CFAP54: variants seen among roughly 807,000 people sequenced by gnomAD.
The protein encoded by CFAP54 is cilia- and flagella-associated protein 54.
CFAP54 carries 290 observed loss-of-function variants against 370.4 expected under a neutral mutation model. That is an observed-to-expected ratio of 0.78 (90% CI 0.71 to 0.86). CFAP54 has a LOEUF of 0.86. Ranked by LOEUF, CFAP54 falls within the 40% of genes least tolerant of loss-of-function variation. The pLI is 0.00. For missense variants in CFAP54, 3,399 were observed against 3,528.7 expected (o/e 0.96, Z 0.93); for synonymous variants, 1,206 against 1,236.5 (o/e 0.98, Z 0.52).
rs1423580555 is a variant in CFAP54 at position 96,540,874 on chromosome 12, A to G, written c.1964A>G (p.His655Arg). ...YLLWQINEVIHCYKMEDIDIV... is the reference protein window; with the variant it reads ...YLLWQINEVIRCYKMEDIDIV... ...CTGTGGCAGATAAATGAAGTAATTC[A>G]CTGCTATAAAATGGAAGACATTGAC... The change falls in exon 14 of 68, where the codon CAC (histidine) becomes CGC (arginine). Residue 655 changes from histidine (H) to arginine (R), a missense_variant. Physicochemically the swap from His to Arg is conservative, Grantham distance 29. This residue lies in a region of CFAP54 where 2,796 missense variants were observed against 2,869.7 expected (regional missense o/e 0.97). Transcript: ENST00000524981. 3 of 1,488,448 alleles carry G rather than the reference A, an allele frequency of 2.0e-6. No homozygotes were observed. Among genetic ancestry groups the G allele is most frequent in the Non-Finnish European group, 1.8e-6 (2 of 1,126,206 alleles). The allele number at this position is 1,488,448 out of a possible 1,614,324, so 92.2% of individuals were successfully genotyped here. A position where few individuals can be genotyped will look rare whatever the true frequency, so the allele number is the denominator to read the frequency against.
At chr12:96,851,887 A>G (rs1487739768) in intron 66 of CFAP54, among the ~76,000 whole-genome samples, 2 of 152,086 alleles carry the variant, frequency 1.3e-5, no homozygotes. Flanking sequence ...CCTGTGAAAT[A>G]AAGGAAGAAT....
intron 32 of CFAP54, among the ~76,000 whole-genome samples, chr12:96,640,703 G>A (rs1300381562): frequency 2.0e-5 from 3 of 152,152 alleles, no homozygotes; most frequent in Non-Finnish European, 4.4e-5. Flanking sequence ...AACCAAAACA[G>A]CATGGTACTG....
chr12:96,717,028 A>T (rs1420934509), intron 48 of CFAP54, among the ~76,000 whole-genome samples: 3 of 152,228 alleles, frequency 2.0e-5, no homozygotes, highest in Non-Finnish European at 4.4e-5. Flanking sequence ...TTCCTAAGGC[A>T]TCAGGACTCC....
chr12:96,840,180 C>T (rs1405302726), intron 66 of CFAP54, among the ~76,000 whole-genome samples: 2 of 152,208 alleles, frequency 1.3e-5, no homozygotes, highest in Non-Finnish European at 2.9e-5. Context: ...CTCCTCTGAG[C>T]AGAGGCTGTT....
At position 96,860,952 on chromosome 12, in the gene CFAP54, G is replaced by T. The variant is rs770494552; in HGVS notation, c.*14G>T. 1 of 1,523,168 alleles carries T rather than the reference G, an allele frequency of 6.6e-7. No homozygotes were observed. Among genetic ancestry groups the T allele is most frequent in the Non-Finnish European group, 8.8e-7 (1 of 1,141,634 alleles). 94.4% of individuals were successfully genotyped at this position (1,523,168 alleles called of 1,614,324 possible). Reference sequence around the variant, plus strand: ...ATTATTCCCTGAATATCCTATACACGGTAACCTTATACAGGATTTAATTGT... The same window carrying T: ...ATTATTCCCTGAATATCCTATACACTGTAACCTTATACAGGATTTAATTGT... On this transcript the variant is annotated splice_region_variant and 3_prime_UTR_variant, in exon 67 of 68. Coordinates refer to ENST00000524981, the MANE Select transcript of CFAP54 (RefSeq NM_001306084.2).
chr12:96,702,190 G>A (rs1286878456), intron 46 of CFAP54, among the ~76,000 whole-genome samples: 4 of 152,094 alleles, frequency 2.6e-5, no homozygotes, highest in Non-Finnish European at 4.4e-5. Flanking sequence ...AGATTTTTTC[G>A]TGTACTGAGA....
chr12:96,864,493 C>T (rs570466482), intron 67 of CFAP54, among the ~76,000 whole-genome samples: 1 of 152,226 alleles, frequency 6.6e-6, no homozygotes, highest in Non-Finnish European at 1.5e-5. Flanking sequence ...CCAACGTGTT[C>T]GTCACAGAAC....
At chr12:96,789,269 C>T (rs1056426938) in intron 62 of CFAP54, among the ~76,000 whole-genome samples, 5 of 152,156 alleles carry the variant, frequency 3.3e-5, no homozygotes, top group Non-Finnish European at 5.9e-5. Context: ...ATTCAGCAAT[C>T]GAGTAACACT....
At chr12:96,752,085 T>TGAGAGACAGAGAGAGAGAGAGAGA (rs1555318323) in intron 55 of CFAP54, among the ~76,000 whole-genome samples, 1 of 90,568 alleles carries the variant, frequency 1.1e-5, no homozygotes, top group African/African-American at 3.9e-5. Context: ...TCTTCCTGGA[T>TGAGAGACAGAGAGAGAGAGAGAGA]GAGAGAGAGA....
chr12:96,547,933 C>G lies in CFAP54; in HGVS notation c.2109C>G (p.Phe703Leu), dbSNP rs1174021507. 2 of 1,507,484 alleles carry G rather than the reference C, an allele frequency of 1.3e-6. No individual in the cohort carries two copies. The highest frequency in any genetic ancestry group is 1.8e-6 in the Non-Finnish European group (2 of 1,129,092). The allele number at this position is 1,507,484 out of a possible 1,614,324, so 93.4% of individuals were successfully genotyped here. Reference sequence around the variant, plus strand: ...CTTTAAGAGAAGGGACTAACAAATTCCCTGGAGCTCCAAAAGGGATCACAG... The same window carrying G: ...CTTTAAGAGAAGGGACTAACAAATTGCCTGGAGCTCCAAAAGGGATCACAG... Reference protein sequence around the residue: ...DVPLREGTNKFPGAPKGITEI... With the variant: ...DVPLREGTNKLPGAPKGITEI... The change falls in exon 15 of 68, where the codon TTC becomes TTG. Residue 703 changes from phenylalanine (F) to leucine (L), a missense_variant. Transcript: ENST00000524981.
intron 40 of CFAP54, chr12:96,682,114 T>A (rs1957280228): frequency 2.2e-6 from 2 of 918,586 alleles, no homozygotes; most frequent in Non-Finnish European, 1.3e-6. Context: ...TTAAATTGAT[T>A]TATTATTATT....
intron 35 of CFAP54, among the ~76,000 whole-genome samples, chr12:96,650,560 C>A (rs1046309928): frequency 4.6e-5 from 7 of 152,012 alleles, no homozygotes; most frequent in African/African-American, 1.7e-4. Context: ...CTCTCAAATG[C>A]TTTTCTTTCT....
At position 96,720,588 on chromosome 12, in the gene CFAP54, G is replaced by C; in HGVS notation, c.6965+23G>C. 2.1e-6 allele frequency: 3 copies of C among 1,435,462 alleles called. No individual in the cohort carries two copies. In the African/African-American group the frequency reaches 4.4e-5, roughly 21 times the overall value. 88.9% of individuals were successfully genotyped at this position (1,435,462 alleles called of 1,614,324 possible). On this transcript the variant is annotated intron_variant, in intron 50 of 67. Coordinates refer to ENST00000524981, the MANE Select transcript of CFAP54 (RefSeq NM_001306084.2). ...CAGGTGCGTCTCTCCATGCACAGGG[G>C]AGGGATACCTTTGAAGAGAGTTCCT...
chr12:96,628,716 G>A (rs1449951995), intron 30 of CFAP54, among the ~76,000 whole-genome samples: 1 of 152,116 alleles, frequency 6.6e-6, no homozygotes, highest in Non-Finnish European at 1.5e-5. Flanking sequence ...ACAACCATGG[G>A]ATTAGGATTA....
intron 4 of CFAP54, among the ~76,000 whole-genome samples, chr12:96,512,299 T>TTTTA (rs1261765532): frequency 8.4e-6 from 1 of 119,548 alleles, no homozygotes; most frequent in East Asian, 3.4e-4. Flanking sequence ...TGGGAACCAA[T>TTTTA]TTTATATATA....
chr12:96,802,867 C>T (rs1958836674), intron 63 of CFAP54, among the ~76,000 whole-genome samples: 1 of 152,040 alleles, frequency 6.6e-6, no homozygotes, highest in Non-Finnish European at 1.5e-5. Context: ...TGTGCTGTTC[C>T]CCTCCCTGTG....
intron 31 of CFAP54, 55 bp downstream of exon 31, chr12:96,630,259 T>C (rs942582430): frequency 1.2e-5 from 11 of 906,682 alleles, no homozygotes; most frequent in South Asian, 3.3e-5. Flanking sequence ...GATTCATGTA[T>C]CTAGAGATGA....
intron 24 of CFAP54, 94 bp from the exon 25 acceptor site, chr12:96,594,197 G>T: frequency 1.1e-5 from 9 of 844,356 alleles, no homozygotes; most frequent in African/African-American, 1.7e-5. Context: ...GTTGTTTTTA[G>T]CCAGAAGGAT....
chr12:96,593,720 C>T (rs1453492325), intron 24 of CFAP54, among the ~76,000 whole-genome samples: 1 of 151,844 alleles, frequency 6.6e-6, no homozygotes, highest in Non-Finnish European at 1.5e-5. Flanking sequence ...TGAAATCTTT[C>T]CCCAGGAAAG....
Sources: gnomAD v4.1 joint callset for allele counts (sites outside exome capture counted in the v4.1 genomes callset) on GRCh38, gnomAD v4.1.1 for gene constraint, gnomAD v4.1.1 regional missense constraint, MANE v1.5 for transcripts, NCBI Gene and HGNC (gene_info 2026-07-23, HGNC 2026-07-21) for gene names.